The following TAOK3 variants were observed in gnomAD, a reference collection of about 807,000 sequenced individuals.
TAOK3 encodes TAO kinase 3.
Under a neutral mutation model 120.4 loss-of-function variants are expected in TAOK3, and 40 were observed. The observed-to-expected ratio is 0.33, with a 90% CI of 0.26 to 0.43. The LOEUF is 0.43. Ranked by LOEUF, TAOK3 falls within the 20% of genes least tolerant of loss-of-function variation. The pLI is 1.00. For synonymous variants in TAOK3, 355 were observed against 387.5 expected (o/e 0.92, Z 0.99); for missense variants, 821 against 1,112.1 (o/e 0.74, Z 3.72).
intron 9 of TAOK3, among the ~76,000 whole-genome samples, chr12:118,227,701 T>C (rs528909335): frequency 6.6e-6 from 1 of 152,320 alleles, no homozygotes; most frequent in South Asian, 2.1e-4. Context: ...AGAATCAATA[T>C]GTTACACAGT....
intron 3 of TAOK3, chr12:118,246,730 T>C: frequency 6.3e-7 from 1 of 1,587,808 alleles, no homozygotes; most frequent in Non-Finnish European, 8.5e-7. Flanking sequence ...CTGCTCATGA[T>C]GGCTGGTATC....
At chr12:118,266,359 A>ATT (rs11348740) in intron 2 of TAOK3, among the ~76,000 whole-genome samples, 2 of 144,430 alleles carry the variant, frequency 1.4e-5, no homozygotes, top group African/African-American at 5.1e-5. Flanking sequence ...CGCCCGGCTA[A>ATT]TTTTTTTTTT....
chr12:118,258,177 T>C (rs987654539), intron 2 of TAOK3, among the ~76,000 whole-genome samples: 3 of 151,914 alleles, frequency 2.0e-5, no homozygotes, highest in South Asian at 2.1e-4. Context: ...CCAAGGAAAA[T>C]TGCAAAAGAC....
chr12:118,324,880 G>C (rs2043868736), intron 1 of TAOK3, among the ~76,000 whole-genome samples: 2 of 151,416 alleles, frequency 1.3e-5, no homozygotes, highest in African/African-American at 4.9e-5. Flanking sequence ...GAGTAGCTGG[G>C]ACTACAGGCG....
At chr12:118,292,205 T>C (rs1371506571) in intron 1 of TAOK3, among the ~76,000 whole-genome samples, 3 of 152,334 alleles carry the variant, frequency 2.0e-5, no homozygotes, top group Admixed American at 2.0e-4. Context: ...AACCCATTAC[T>C]TGGGCCTGTC....
intron 1 of TAOK3, among the ~76,000 whole-genome samples, chr12:118,314,883 C>T (rs965859257): frequency 2.0e-5 from 3 of 151,886 alleles, no homozygotes; most frequent in African/African-American, 7.2e-5. Context: ...ATGCGCATGA[C>T]TATTGCATGG....
At chr12:118,290,951 G>T (rs1371476111) in intron 1 of TAOK3, among the ~76,000 whole-genome samples, 1 of 150,826 alleles carries the variant, frequency 6.6e-6, no homozygotes, top group Admixed American at 6.6e-5. Flanking sequence ...GCCGTGGCGT[G>T]ATCTCGGCTC....
At chr12:118,314,982 G>A (rs761782221) in intron 1 of TAOK3, among the ~76,000 whole-genome samples, 1 of 151,370 alleles carries the variant, frequency 6.6e-6, no homozygotes, top group African/African-American at 2.4e-5. Flanking sequence ...GAGTGAGTGC[G>A]TGCAGTGGCA....
chr12:118,341,894 C>T (rs775929867), intron 1 of TAOK3, among the ~76,000 whole-genome samples: 2 of 152,130 alleles, frequency 1.3e-5, no homozygotes, highest in Non-Finnish European at 2.9e-5. Context: ...TGTGGTGGCA[C>T]ACCTTGTAGT....
rs148470449 is a variant in TAOK3 at position 118,196,670 on chromosome 12, T to G, written c.1194+2381A>C. The stretch of plus-strand genomic sequence containing the variant: ...ATTTAACTTTCATTTAACTATTATT[T>G]AACTTTCTCAAACTGTAAAGATAGC... On this transcript the variant is annotated intron_variant, in intron 13 of 20. Transcript: ENST00000392533. Among the ~76,000 whole-genome samples the G allele has an allele frequency of 7.1e-3, 1,081 of 152,348 alleles. 7 individuals are homozygous for G. The highest frequency in any genetic ancestry group is 0.017 in the Middle Eastern group (5 of 294).
At chr12:118,276,159 T>C (rs1490466300) in intron 1 of TAOK3, among the ~76,000 whole-genome samples, 5 of 152,134 alleles carry the variant, frequency 3.3e-5, no homozygotes, top group African/African-American at 4.8e-5. Context: ...ATAGATTGTG[T>C]AGAAGCAAGG....
At chr12:118,322,749 G>A (rs929205942) in intron 1 of TAOK3, among the ~76,000 whole-genome samples, 13 of 126,308 alleles carry the variant, frequency 1.0e-4, no homozygotes, top group African/African-American at 2.1e-4. Context: ...TTTTTGAGAC[G>A]GAGTCTCGCT....
chr12:118,222,322 CA>C (rs2039275696), intron 9 of TAOK3, among the ~76,000 whole-genome samples: 1 of 152,094 alleles, frequency 6.6e-6, no homozygotes, highest in Non-Finnish European at 1.5e-5. Context: ...ATCACGAGGT[CA>C]AGAGATCGAG....
chr12:118,314,607 C>T (rs2043381247), intron 1 of TAOK3, among the ~76,000 whole-genome samples: 1 of 152,182 alleles, frequency 6.6e-6, no homozygotes, highest in South Asian at 2.1e-4. Context: ...AACCACAGAA[C>T]ATCCAAGGTT....
At chr12:118,339,731 T>C (rs1291595808) in intron 1 of TAOK3, among the ~76,000 whole-genome samples, 3 of 152,092 alleles carry the variant, frequency 2.0e-5, no homozygotes, top group Non-Finnish European at 4.4e-5. Flanking sequence ...CAGCTAATTT[T>C]TGTATTTTTA....
At chr12:118,353,675 G>A (rs1482658646) in intron 1 of TAOK3, among the ~76,000 whole-genome samples, 2 of 152,164 alleles carry the variant, frequency 1.3e-5, no homozygotes, top group East Asian at 1.9e-4. Flanking sequence ...GGGTCTGAAT[G>A]GGAAAGGTGC....
At chr12:118,357,443 T>C (rs1032231034) in intron 1 of TAOK3, among the ~76,000 whole-genome samples, 4 of 152,212 alleles carry the variant, frequency 2.6e-5, no homozygotes, top group African/African-American at 9.7e-5. Flanking sequence ...AGTGTGATCT[T>C]TGCAGATCAG....
chr12:118,300,879 G>A (rs1332472441), intron 1 of TAOK3, among the ~76,000 whole-genome samples: 2 of 151,994 alleles, frequency 1.3e-5, no homozygotes, highest in Non-Finnish European at 2.9e-5. Context: ...GGGTTCAAGC[G>A]ATTCTCCTGC....
intron 9 of TAOK3, among the ~76,000 whole-genome samples, chr12:118,230,091 T>C (rs980523533): frequency 6.6e-6 from 1 of 152,214 alleles, no homozygotes; most frequent in African/African-American, 2.4e-5. Context: ...GGGGGGCTTC[T>C]TCTAAATGTT....
Sources: gnomAD v4.1 joint callset for allele counts (sites outside exome capture counted in the v4.1 genomes callset) on GRCh38, gnomAD v4.1.1 for gene constraint, MANE v1.5 for transcripts, NCBI Gene and HGNC (gene_info 2026-07-23, HGNC 2026-07-21) for gene names.